Variants in FBN2 observed in about 807,000 individuals in gnomAD.
The protein encoded by FBN2 is fibrillin-2.
Under a neutral mutation model 355.6 loss-of-function variants are expected in FBN2, and 105 were observed. The ratio of observed to expected loss-of-function variants is 0.30; its 90% CI spans 0.25 to 0.35. FBN2 has a LOEUF of 0.35. FBN2 is among the 10% of genes least tolerant of loss of function. The pLI is 1.00. For missense variants in FBN2, 3,280 were observed against 3,758.7 expected (o/e 0.87, Z 3.33); for synonymous variants, 1,350 against 1,301.2 (o/e 1.04, Z -0.81).
At chr5:128,348,994 G>A (rs1054693443) in intron 23 of FBN2, among the ~76,000 whole-genome samples, 1 of 152,132 alleles carries the variant, frequency 6.6e-6, no homozygotes, top group African/African-American at 2.4e-5. Context: ...GCTGCAATGA[G>A]CTGACAAATG....
At chr5:128,506,403 T>G (rs1245940157) in intron 5 of FBN2, among the ~76,000 whole-genome samples, 1 of 152,172 alleles carries the variant, frequency 6.6e-6, no homozygotes, top group Admixed American at 6.5e-5. Context: ...GAATTATCCA[T>G]GAGTATTACA....
chr5:128,389,061 G>C (rs1752442739), intron 11 of FBN2, among the ~76,000 whole-genome samples: 1 of 152,028 alleles, frequency 6.6e-6, no homozygotes, highest in Admixed American at 6.6e-5. Flanking sequence ...ATTTTCATCT[G>C]ACTGAGTTGA....
In FBN2 at chr5:128,349,484, T is replaced by A; in HGVS notation, c.2864-12A>T. 1 of 1,613,602 alleles carries A rather than the reference T, an allele frequency of 6.2e-7. No homozygotes were observed. Among genetic ancestry groups the A allele is most frequent in the Non-Finnish European group, 8.5e-7 (1 of 1,179,748 alleles). The stretch of plus-strand genomic sequence containing the variant: ...ACACTCATTAACATCTGCAGGGAAA[T>A]GCAGCAAGCAGAGGAGCAAAGATGT... On this transcript the variant is annotated splice_polypyrimidine_tract_variant and intron_variant, in intron 22 of 64. Transcript: ENST00000262464.
chr5:128,516,374 CTTT>C (rs35226456), intron 5 of FBN2, among the ~76,000 whole-genome samples: 3 of 145,340 alleles, frequency 2.1e-5, no homozygotes. Context: ...CACAAGAACT[CTTT>C]TTTTTTTTTT....
intron 16 of FBN2, among the ~76,000 whole-genome samples, chr5:128,367,356 G>A (rs748188215): frequency 6.6e-6 from 1 of 151,770 alleles, no homozygotes; most frequent in African/African-American, 2.4e-5. Context: ...TTAATTATAC[G>A]GAGAGTGGGC....
At chr5:128,287,274 A>T in intron 54 of FBN2, 34 bp downstream of exon 54, 1 of 1,611,856 alleles carries the variant, frequency 6.2e-7, no homozygotes, top group Non-Finnish European at 8.5e-7. Flanking sequence ...CATGACAAAT[A>T]AAGTTCGAAC....
intron 18 of FBN2, among the ~76,000 whole-genome samples, chr5:128,362,975 T>C (rs774109682): frequency 6.6e-6 from 1 of 152,154 alleles, no homozygotes; most frequent in Non-Finnish European, 1.5e-5. Context: ...TCATCACTGA[T>C]AATATTCTTT....
At chr5:128,298,779 T>A (rs368857366) in intron 48 of FBN2, among the ~76,000 whole-genome samples, 4 of 152,232 alleles carry the variant, frequency 2.6e-5, no homozygotes, top group East Asian at 3.9e-4. Flanking sequence ...GCCTTTGGTT[T>A]GAGTGTCCTC....
At chr5:128,263,402 G>T in intron 63 of FBN2, 23 bp downstream of exon 63, 1 of 1,555,004 alleles carries the variant, frequency 6.4e-7, no homozygotes, top group Non-Finnish European at 8.9e-7. Flanking sequence ...TCCTCTATGT[G>T]CTGAGGCTGA....
intron 16 of FBN2, among the ~76,000 whole-genome samples, chr5:128,367,149 G>A (rs1213648068): frequency 6.6e-6 from 1 of 152,056 alleles, no homozygotes; most frequent in African/African-American, 2.4e-5. Context: ...ATATCACTAG[G>A]ATAGTCTCTT....
intron 13 of FBN2, 44 bp downstream of exon 13, chr5:128,377,708 T>C (rs1205281084): frequency 3.7e-6 from 6 of 1,600,784 alleles, no homozygotes; most frequent in Non-Finnish European, 5.1e-6. Context: ...TAAAAATGTA[T>C]ATCCTTTTAA....
chr5:128,388,472 G>A (rs1752424199), intron 11 of FBN2, among the ~76,000 whole-genome samples: 1 of 152,172 alleles, frequency 6.6e-6, no homozygotes, highest in African/African-American at 2.4e-5. Context: ...GTGGTGGCTG[G>A]TAACAGTCTT....
intron 7 of FBN2, among the ~76,000 whole-genome samples, chr5:128,431,041 A>C (rs555234795): frequency 1.3e-5 from 2 of 152,318 alleles, no homozygotes; most frequent in Admixed American, 1.3e-4. Flanking sequence ...CATGTCTTCT[A>C]ATTTCAGGAA....
intron 7 of FBN2, chr5:128,442,207 T>TA (rs1753940616): frequency 7.2e-6 from 3 of 418,014 alleles, no homozygotes; most frequent in Admixed American, 2.9e-5. Flanking sequence ...ATCTGCCACA[T>TA]AAAGAGCCAT....
Position 128,434,394 on chromosome 5 carries a change from G to GTGTA in FBN2, c.952+12086_952+12087insTACA, listed in dbSNP as rs377404948. 1.1e-3 allele frequency among the ~76,000 whole-genome samples: 103 copies of GTGTA among 91,674 alleles called. 1 individual carries two copies. The East Asian group carries it at 0.025, about 22-fold the overall frequency. The allele number at this position is 91,674 out of a possible 152,430, so 60.1% of individuals were successfully genotyped here. A position where few individuals can be genotyped will look rare whatever the true frequency, so the allele number is the denominator to read the frequency against. ...CAATGCCTGGCAGTGAATAAAGTGTGTATATATATATATATATATATATAT... is the reference window on the plus strand; with the variant it reads ...CAATGCCTGGCAGTGAATAAAGTGTGTGTATATATATATATATATATATATATAT... On this transcript the variant is annotated intron_variant, in intron 7 of 64. Transcript: ENST00000262464.
chr5:128,499,775 T>C (rs1034376337), intron 5 of FBN2, among the ~76,000 whole-genome samples: 2 of 152,118 alleles, frequency 1.3e-5, no homozygotes, highest in Non-Finnish European at 2.9e-5. Context: ...CTCTCTACTG[T>C]GACATTCAGA....
chr5:128,537,295 G>A, intron 1 of FBN2, 55 bp downstream of exon 1: 2 of 1,601,718 alleles, frequency 1.2e-6, no homozygotes, highest in African/African-American at 1.3e-5. Flanking sequence ...CCAAACTGAG[G>A]ATTCCCCCCT....
At chr5:128,537,209 T>C (rs1756874305) in intron 1 of FBN2, 141 bp downstream of exon 1, 3 of 1,405,600 alleles carry the variant, frequency 2.1e-6, no homozygotes, top group Non-Finnish European at 1.9e-6. Context: ...CTGGGGGTCT[T>C]TGGATATTCT....
intron 21 of FBN2, among the ~76,000 whole-genome samples, chr5:128,350,405 G>T (rs1751315679): frequency 6.6e-6 from 1 of 152,102 alleles, no homozygotes; most frequent in Non-Finnish European, 1.5e-5. Context: ...ACAAAAATTA[G>T]CTGGGCATGG....
Sources: allele counts gnomAD v4.1 joint callset (sites outside exome capture counted in the v4.1 genomes callset), GRCh38; gene constraint gnomAD v4.1.1; transcripts MANE v1.5; gene names NCBI Gene and HGNC (gene_info 2026-07-23, HGNC 2026-07-21).